COL9A1: variants seen among roughly 807,000 people sequenced by gnomAD.
COL9A1 encodes collagen alpha-1(IX) chain.
A neutral mutation model predicts 142.6 loss-of-function variants in COL9A1; 104 were observed. The observed-to-expected ratio is 0.73, with a 90% CI of 0.62 to 0.86. COL9A1 has a LOEUF of 0.86. Ranked by LOEUF, COL9A1 falls within the 40% of genes least tolerant of loss-of-function variation. The pLI is 0.00. For missense variants in COL9A1, 1,210 were observed against 1,176.6 expected, an observed-to-expected ratio of 1.03 and a Z score of -0.42; for synonymous variants, 466 against 396.0, an observed-to-expected ratio of 1.18 and a Z score of -2.10.
intron 37 of COL9A1, among the ~76,000 whole-genome samples, chr6:70,223,891 A>G (rs938732974): frequency 6.6e-6 from 1 of 152,192 alleles, no homozygotes; most frequent in Non-Finnish European, 1.5e-5. Flanking sequence ...TCAAGAAAGA[A>G]GAGTCAGCTG....
chr6:70,261,786 T>G (rs768679799), intron 19 of COL9A1, among the ~76,000 whole-genome samples: 59 of 152,218 alleles, frequency 3.9e-4, no homozygotes, highest in Non-Finnish European at 6.0e-4. Context: ...AAAGAAATAT[T>G]TGGGTCAATA....
chr6:70,297,076 TGAGG>T (rs981190021), intron 4 of COL9A1, among the ~76,000 whole-genome samples: 5 of 152,154 alleles, frequency 3.3e-5, no homozygotes, highest in African/African-American at 1.2e-4. Flanking sequence ...TGAAGTTAAC[TGAGG>T]GAGTTCTCCC....
chr6:70,234,769 A>G (rs1451084178), intron 34 of COL9A1, 25 bp downstream of exon 34: 2 of 1,613,868 alleles, frequency 1.2e-6, no homozygotes, highest in Non-Finnish European at 1.7e-6. Context: ...CCAAAGGGAA[A>G]CCACAGAAGC....
At chr6:70,235,490 G>T (rs1235686282) in intron 33 of COL9A1, among the ~76,000 whole-genome samples, 1 of 151,782 alleles carries the variant, frequency 6.6e-6, no homozygotes, top group Non-Finnish European at 1.5e-5. Flanking sequence ...CTTTCTTTCG[G>T]GGATAGTTAT....
At chr6:70,292,428 G>A (rs1298078836) in intron 5 of COL9A1, among the ~76,000 whole-genome samples, 1 of 152,138 alleles carries the variant, frequency 6.6e-6, no homozygotes, top group East Asian at 1.9e-4. Flanking sequence ...CAGGTTTCTG[G>A]TTACACTCCT....
intron 12 of COL9A1, among the ~76,000 whole-genome samples, chr6:70,272,323 A>G (rs541154040): frequency 7.8e-6 from 1 of 128,364 alleles, no homozygotes; most frequent in Non-Finnish European, 1.7e-5. Context: ...GATTTTTCCA[A>G]ACTTTTTTTT....
Position 70,291,733 on chromosome 6 carries a change from C to T in COL9A1, c.696+2434G>A, listed in dbSNP as rs1258309596. Among the ~76,000 whole-genome samples, 5 of 152,038 alleles carry T rather than the reference C, an allele frequency of 3.3e-5. No individual in the cohort carries two copies. The South Asian group carries it at 8.3e-4, about 25-fold the overall frequency. ...AAATTCTGAAGGAAAATCACAAATG[C>T]CTTTCGAAGTAAGAATAATGAGATT... is the stretch of plus-strand genomic sequence containing the variant. On this transcript the variant is annotated intron_variant, in intron 5 of 37. Coordinates refer to ENST00000357250, the MANE Select transcript of COL9A1 (RefSeq NM_001851.6).
intron 11 of COL9A1, among the ~76,000 whole-genome samples, chr6:70,274,436 C>T (rs1007851546): frequency 1.3e-5 from 2 of 152,064 alleles, no homozygotes; most frequent in Non-Finnish European, 2.9e-5. Context: ...TTATTCAGCT[C>T]CCACTTATAA....
intron 18 of COL9A1, among the ~76,000 whole-genome samples, chr6:70,263,959 T>C (rs893105433): frequency 5.9e-5 from 9 of 151,914 alleles, no homozygotes; most frequent in East Asian, 1.9e-4. Flanking sequence ...GCAAAACGTA[T>C]ACATCTTTTT....
At chr6:70,237,594 A>G (rs1167883284) in intron 33 of COL9A1, among the ~76,000 whole-genome samples, 1 of 152,210 alleles carries the variant, frequency 6.6e-6, no homozygotes, top group Non-Finnish European at 1.5e-5. Context: ...TTGTCACTGC[A>G]TGGTTCATTA....
At chr6:70,275,852 A>G (rs1772726664) in intron 10 of COL9A1, among the ~76,000 whole-genome samples, 1 of 152,126 alleles carries the variant, frequency 6.6e-6, no homozygotes, top group Admixed American at 6.6e-5. Context: ...TGACAGAGGG[A>G]TCTCTTGAAA....
At chr6:70,266,396 C>T (rs2076816) in intron 18 of COL9A1, among the ~76,000 whole-genome samples, 58,370 of 151,892 alleles carry the variant, frequency 0.38, 11,571 homozygotes, top group African/African-American at 0.44. Flanking sequence ...GTGGAACAAC[C>T]GTCTGAATAA....
intron 36 of COL9A1, among the ~76,000 whole-genome samples, chr6:70,230,430 A>C (rs1401584511): frequency 2.0e-5 from 3 of 152,092 alleles, no homozygotes; most frequent in African/African-American, 7.2e-5. Flanking sequence ...TAGGGAGAAA[A>C]AAAATCCTTT....
intron 36 of COL9A1, among the ~76,000 whole-genome samples, chr6:70,229,749 ATC>A (rs1769437197): frequency 6.6e-6 from 1 of 152,212 alleles, no homozygotes; most frequent in Non-Finnish European, 1.5e-5. Context: ...CCAGTTAGAT[ATC>A]TCTCAGGTTT....
At chr6:70,256,851 CTG>C (rs746136943) in intron 20 of COL9A1, 30 bp from the exon 21 acceptor site, 2 of 1,606,988 alleles carry the variant, frequency 1.2e-6, no homozygotes, top group Non-Finnish European at 1.7e-6. Flanking sequence ...TGGAAAAAAA[CTG>C]AGATCAGTCA....
At chr6:70,244,148 T>A (rs1030899565) in intron 28 of COL9A1, among the ~76,000 whole-genome samples, 1 of 152,228 alleles carries the variant, frequency 6.6e-6, no homozygotes, top group African/African-American at 2.4e-5. Flanking sequence ...TTAGCAATAA[T>A]TTCATAGTAG....
At chr6:70,242,808 T>C in intron 28 of COL9A1, 93 bp from the exon 29 acceptor site, 1 of 1,267,644 alleles carries the variant, frequency 7.9e-7, no homozygotes, top group Non-Finnish European at 1.2e-6. Flanking sequence ...CCTAGGTTTT[T>C]TTCCTTCAGC....
At chr6:70,227,424 TAA>T (rs11407353) in intron 36 of COL9A1, among the ~76,000 whole-genome samples, 53 of 50,022 alleles carry the variant, frequency 1.1e-3, no homozygotes, top group African/African-American at 4.2e-3. Flanking sequence ...ATGCAAATTG[TAA>T]AAAAAAAAAA....
chr6:70,222,381 G>A (rs1385746310), intron 37 of COL9A1, among the ~76,000 whole-genome samples: 1 of 152,174 alleles, frequency 6.6e-6, no homozygotes, highest in Non-Finnish European at 1.5e-5. Context: ...AGCCCTGGCA[G>A]CCTGGCTCCA....
Sources: gnomAD v4.1 joint callset for allele counts (sites outside exome capture counted in the v4.1 genomes callset) on GRCh38, gnomAD v4.1.1 for gene constraint, MANE v1.5 for transcripts, NCBI Gene and HGNC (gene_info 2026-07-23, HGNC 2026-07-21) for gene names.